SAMD5: variants seen among roughly 807,000 people sequenced by gnomAD.
The protein encoded by SAMD5 is sterile alpha motif domain-containing protein 5.
In SAMD5, 13 loss-of-function variants were observed where a neutral mutation model predicts 11.3. The observed-to-expected ratio is 1.15, with a 90% CI of 0.75 to 1.83. The LOEUF is 1.83. Among genes scored for constraint, SAMD5 ranks in the 40% most tolerant of loss-of-function variants. SAMD5 has a pLI of 0.00. For missense variants in SAMD5, 255 were observed against 239.1 expected, an observed-to-expected ratio of 1.07 and a Z score of -0.44; for synonymous variants, 129 against 111.3, an observed-to-expected ratio of 1.16 and a Z score of -1.00.
At chr6:147,952,900 T>A in the SAMD5 span, among the ~76,000 whole-genome samples, 1 of 152,234 alleles carries the variant, frequency 6.6e-6, no homozygotes, top group African/African-American at 2.4e-5. Context: ...TCTCCTTTTT[T>A]AATTGAAAAT....
At chr6:147,806,338 T>C in the SAMD5 span, among the ~76,000 whole-genome samples, 11,958 of 152,180 alleles carry the variant, frequency 0.079, 708 homozygotes, top group African/African-American at 0.16. Context: ...ACACACTCAT[T>C]GTGATGCATT....
At chr6:147,646,705 A>G (rs1790407605) in intron 1 of SAMD5, among the ~76,000 whole-genome samples, 1 of 152,136 alleles carries the variant, frequency 6.6e-6, no homozygotes, top group Admixed American at 6.5e-5. Flanking sequence ...TGCATTTCTT[A>G]TCTCTTTTAA....
chr6:147,602,187 T>G (rs1388909200), intron 1 of SAMD5, among the ~76,000 whole-genome samples: 1 of 152,224 alleles, frequency 6.6e-6, no homozygotes, highest in East Asian at 1.9e-4. Flanking sequence ...CTTAGATATC[T>G]TTCATTCCCA....
At chr6:147,694,695 T>C (rs1791151664) in intron 1 of SAMD5, among the ~76,000 whole-genome samples, 1 of 152,118 alleles carries the variant, frequency 6.6e-6, no homozygotes, top group Admixed American at 6.6e-5. Context: ...CTCAAACCTA[T>C]AGTCCCAGCT....
chr6:147,891,597 G>A, the SAMD5 span, among the ~76,000 whole-genome samples: 1 of 152,020 alleles, frequency 6.6e-6, no homozygotes, highest in South Asian at 2.1e-4. Context: ...GGAAGGCAGA[G>A]GCTTTCACAT....
the SAMD5 span, among the ~76,000 whole-genome samples, chr6:147,798,884 T>G: frequency 6.6e-6 from 1 of 152,162 alleles, no homozygotes; most frequent in Non-Finnish European, 1.5e-5. Context: ...GAGACTAGGA[T>G]TGCAACCCCT....
At chr6:147,583,521 T>G (rs1434354992) in intron 1 of SAMD5, among the ~76,000 whole-genome samples, 1 of 152,196 alleles carries the variant, frequency 6.6e-6, no homozygotes, top group East Asian at 1.9e-4. Context: ...CATTATTATT[T>G]ATGAGAAAGA....
chr6:147,843,887 C>A, the SAMD5 span, among the ~76,000 whole-genome samples: 1 of 152,074 alleles, frequency 6.6e-6, no homozygotes, highest in Admixed American at 6.6e-5. Context: ...AACTATAACA[C>A]GACTGCAAGA....
At chr6:147,890,433 A>C in the SAMD5 span, among the ~76,000 whole-genome samples, 1 of 149,098 alleles carries the variant, frequency 6.7e-6, no homozygotes, top group African/African-American at 2.5e-5. Flanking sequence ...ATCTCGGCTC[A>C]TTGCAACCTC....
At chr6:147,905,600 A>T in the SAMD5 span, among the ~76,000 whole-genome samples, 1 of 152,234 alleles carries the variant, frequency 6.6e-6, no homozygotes, top group African/African-American at 2.4e-5. Context: ...ATGTGTTGGT[A>T]TGTAACTCAT....
At chr6:147,756,451 G>A in the SAMD5 span, among the ~76,000 whole-genome samples, 2 of 151,994 alleles carry the variant, frequency 1.3e-5, no homozygotes, top group Non-Finnish European at 2.9e-5. Context: ...TTTTAAAAAC[G>A]TTTAAAAAGT....
intron 1 of SAMD5, among the ~76,000 whole-genome samples, chr6:147,620,467 G>A (rs555348836): frequency 6.6e-6 from 1 of 152,310 alleles, no homozygotes; most frequent in East Asian, 1.9e-4. Flanking sequence ...CCAATTATGT[G>A]CAAAGCCTGG....
At chr6:147,843,116 G>A in the SAMD5 span, among the ~76,000 whole-genome samples, 245 of 152,212 alleles carry the variant, frequency 1.6e-3, 1 homozygote, top group Admixed American at 3.0e-3. Context: ...TACCCACCTC[G>A]GCCTCCCAAA....
At chr6:147,529,300 T>C (rs1788391606) in intron 1 of SAMD5, among the ~76,000 whole-genome samples, 1 of 152,234 alleles carries the variant, frequency 6.6e-6, no homozygotes, top group Non-Finnish European at 1.5e-5. Context: ...TTATAAATAT[T>C]GTTCTTCTAA....
intron 1 of SAMD5, among the ~76,000 whole-genome samples, chr6:147,523,368 T>C (rs549155486): frequency 6.6e-6 from 1 of 152,160 alleles, no homozygotes. Flanking sequence ...AAAAAGGTCA[T>C]TGAAGCAAGG....
the SAMD5 span, among the ~76,000 whole-genome samples, chr6:147,823,784 A>T: frequency 6.6e-6 from 1 of 152,212 alleles, no homozygotes; most frequent in Non-Finnish European, 1.5e-5. Flanking sequence ...TAGCTTATTT[A>T]ATTTTTAGAA....
the SAMD5 span, among the ~76,000 whole-genome samples, chr6:147,876,182 AG>A: frequency 6.6e-6 from 1 of 152,164 alleles, no homozygotes; most frequent in Non-Finnish European, 1.5e-5. Context: ...TTTTTAAACA[AG>A]GGGTCCTGCA....
the SAMD5 span, among the ~76,000 whole-genome samples, chr6:147,873,341 C>T: frequency 6.6e-6 from 1 of 150,700 alleles, no homozygotes; most frequent in Admixed American, 6.6e-5. Context: ...CGCGCCACTG[C>T]ACTCCAGCCT....
intron 1 of SAMD5, among the ~76,000 whole-genome samples, chr6:147,692,967 A>AG (rs1415994914): frequency 6.6e-6 from 1 of 152,374 alleles, no homozygotes; most frequent in East Asian, 1.9e-4. Flanking sequence ...GAAAGATGAC[A>AG]GAAAAACCCG....
Sources: gnomAD v4.1 joint callset for allele counts (sites outside exome capture counted in the v4.1 genomes callset) on GRCh38, gnomAD v4.1.1 for gene constraint, MANE v1.5 for transcripts, NCBI Gene and HGNC (gene_info 2026-07-23, HGNC 2026-07-21) for gene names.